The following NOL4 variants were observed in gnomAD, a reference collection of about 807,000 sequenced individuals.
The protein encoded by NOL4 is nucleolar protein 4.
A neutral mutation model predicts 75.9 loss-of-function variants in NOL4; 17 were observed. The observed-to-expected ratio is 0.22, with a 90% CI of 0.15 to 0.34. NOL4 has a LOEUF of 0.34. Ranked by LOEUF, NOL4 falls within the 10% of genes least tolerant of loss-of-function variation. The probability of loss-of-function intolerance (pLI) is 1.00; values close to 1 mark genes in which losing one functional copy is unlikely to be tolerated. For missense variants in NOL4, 614 were observed against 793.5 expected (o/e 0.77, Z 2.72); for synonymous variants, 292 against 289.9 (o/e 1.01, Z -0.07).
chr18:34,212,928 T>A (rs199716483), intron 1 of NOL4, among the ~76,000 whole-genome samples: 1 of 152,198 alleles, frequency 6.6e-6, no homozygotes, highest in East Asian at 1.9e-4. Context: ...AAAAGGCTAA[T>A]GTGATTAAAT....
chr18:33,885,031 T>C (rs2064551626), intron 9 of NOL4, among the ~76,000 whole-genome samples: 1 of 151,688 alleles, frequency 6.6e-6, no homozygotes, highest in Admixed American at 6.6e-5. Flanking sequence ...AGTAAGACTA[T>C]AAAATAAACA....
intron 1 of NOL4, among the ~76,000 whole-genome samples, chr18:34,139,956 C>G (rs1030631452): frequency 6.6e-6 from 1 of 152,282 alleles, no homozygotes; most frequent in Non-Finnish European, 1.5e-5. Context: ...CATTCAGGAG[C>G]AGGTTGTTCG....
chr18:33,899,506 A>T (rs550483857), intron 9 of NOL4, among the ~76,000 whole-genome samples: 1 of 152,302 alleles, frequency 6.6e-6, no homozygotes, highest in South Asian at 2.1e-4. Context: ...GCTCCTGGCC[A>T]GCTGGCCCCA....
intron 9 of NOL4, among the ~76,000 whole-genome samples, chr18:33,933,734 T>C (rs2067858571): frequency 6.6e-6 from 1 of 152,124 alleles, no homozygotes; most frequent in Non-Finnish European, 1.5e-5. Flanking sequence ...TCTACTTCTC[T>C]TGCTATCCAC....
At chr18:33,971,024 C>A (rs1205280909) in intron 6 of NOL4, among the ~76,000 whole-genome samples, 1 of 152,168 alleles carries the variant, frequency 6.6e-6, no homozygotes, top group East Asian at 1.9e-4. Flanking sequence ...AAAGGACAGA[C>A]CTTTTCATTT....
intron 10 of NOL4, among the ~76,000 whole-genome samples, chr18:33,870,457 A>G (rs2063644741): frequency 6.6e-6 from 1 of 152,024 alleles, no homozygotes; most frequent in African/African-American, 2.4e-5. Flanking sequence ...GATATATTAT[A>G]TTCCTGAAAA....
intron 5 of NOL4, among the ~76,000 whole-genome samples, chr18:34,078,214 T>G (rs905641493): frequency 2.6e-5 from 4 of 152,310 alleles, no homozygotes; most frequent in African/African-American, 9.6e-5. Flanking sequence ...ATGAAATGAA[T>G]GTTAGCTTCA....
At chr18:33,973,624 T>C (rs77859375) in intron 6 of NOL4, among the ~76,000 whole-genome samples, 2,139 of 152,336 alleles carry the variant, frequency 0.014, 21 homozygotes, top group Middle Eastern at 0.041. Flanking sequence ...TACTCCTTGA[T>C]CTGTCAGCTG....
At chr18:34,117,864 A>G (rs557333492) in intron 2 of NOL4, among the ~76,000 whole-genome samples, 1 of 152,338 alleles carries the variant, frequency 6.6e-6, no homozygotes, top group East Asian at 1.9e-4. Flanking sequence ...GCTGAAATAA[A>G]GCCATCACAT....
chr18:34,042,435 T>C (rs1568262743), intron 5 of NOL4, among the ~76,000 whole-genome samples: 1 of 152,100 alleles, frequency 6.6e-6, no homozygotes, highest in African/African-American at 2.4e-5. Flanking sequence ...TCCCAGTGGA[T>C]TCACATGAAT....
intron 4 of NOL4, 63 bp downstream of exon 4, chr18:34,103,984 G>T: frequency 9.2e-7 from 1 of 1,085,704 alleles, no homozygotes; most frequent in South Asian, 1.3e-5. Flanking sequence ...TAATATGATA[G>T]TCATGGTTAT....
intron 10 of NOL4, among the ~76,000 whole-genome samples, chr18:33,881,296 T>C (rs1449467131): frequency 6.7e-6 from 1 of 150,166 alleles, no homozygotes; most frequent in African/African-American, 2.5e-5. Context: ...AGATATACAA[T>C]CATGTCGTCT....
intron 9 of NOL4, among the ~76,000 whole-genome samples, chr18:33,895,897 A>G (rs2065372727): frequency 6.6e-6 from 1 of 152,136 alleles, no homozygotes; most frequent in Admixed American, 6.6e-5. Context: ...TTCTATATCT[A>G]GAAAACCTCA....
chr18:34,213,476 G>A (rs905573089), intron 1 of NOL4, among the ~76,000 whole-genome samples: 1 of 152,096 alleles, frequency 6.6e-6, no homozygotes, highest in African/African-American at 2.4e-5. Context: ...TTTTAGTAGA[G>A]CCGGGGTTTC....
chr18:34,223,323 A>G lies in NOL4; in HGVS notation c.-70T>C, dbSNP rs771901382. Reference sequence around the variant, plus strand: ...GCACCTGTTCACCCTAGGCTCATGAAAAATGCAGCCCCGGCCACGTTGCAG... The same window carrying G: ...GCACCTGTTCACCCTAGGCTCATGAGAAATGCAGCCCCGGCCACGTTGCAG... On this transcript the variant is annotated 5_prime_UTR_variant, in exon 1 of 11. Transcript: ENST00000261592. The G allele has an allele frequency of 2.1e-5, 33 of 1,559,770 alleles. No homozygotes were observed. Among genetic ancestry groups the G allele is most frequent in the African/African-American group, 2.7e-5 (2 of 73,788 alleles).
chr18:33,896,836 C>T (rs1807566529), intron 9 of NOL4, among the ~76,000 whole-genome samples: 1 of 152,052 alleles, frequency 6.6e-6, no homozygotes, highest in Admixed American at 6.6e-5. Context: ...AACAGACAAC[C>T]TACAGAATGG....
At chr18:34,015,949 G>A (rs2074665247) in intron 6 of NOL4, among the ~76,000 whole-genome samples, 1 of 152,010 alleles carries the variant, frequency 6.6e-6, no homozygotes. Flanking sequence ...AAAGTATTGA[G>A]AAACATCTAT....
At chr18:33,884,361 A>C (rs1364887481) in intron 9 of NOL4, among the ~76,000 whole-genome samples, 1 of 152,072 alleles carries the variant, frequency 6.6e-6, no homozygotes, top group Non-Finnish European at 1.5e-5. Flanking sequence ...TAACAGACTG[A>C]CAAGGATGTG....
chr18:33,865,287 C>A (rs901507083), intron 10 of NOL4, among the ~76,000 whole-genome samples: 4 of 152,008 alleles, frequency 2.6e-5, no homozygotes, highest in African/African-American at 7.2e-5. Flanking sequence ...CCATGTGCAT[C>A]CTCTGATATG....
Sources: gnomAD v4.1 joint callset for allele counts (sites outside exome capture counted in the v4.1 genomes callset) on GRCh38, gnomAD v4.1.1 for gene constraint, MANE v1.5 for transcripts, NCBI Gene and HGNC (gene_info 2026-07-23, HGNC 2026-07-21) for gene names.